SPNS2: variants seen among roughly 807,000 people sequenced by gnomAD.
The protein encoded by SPNS2 is SPNS lysolipid transporter 2, sphingosine-1-phosphate, also known as sphingosine-1-phosphate transporter SPNS2.
A neutral mutation model predicts 57.6 loss-of-function variants in SPNS2; 37 were observed. The observed-to-expected ratio is 0.64, with a 90% CI of 0.49 to 0.85. SPNS2 has a LOEUF of 0.85. SPNS2 is among the 40% of genes least tolerant of loss of function. The probability of loss-of-function intolerance (pLI) is 0.00; values close to 1 mark genes in which losing one functional copy is unlikely to be tolerated. For synonymous variants in SPNS2, 440 were observed against 346.9 expected, an observed-to-expected ratio of 1.27 and a Z score of -2.98; for missense variants, 831 against 779.1, an observed-to-expected ratio of 1.07 and a Z score of -0.79.
rs925428233 is a variant in SPNS2, at chr17:4,510,058, G to A, written c.371-3189G>A. Among the ~76,000 whole-genome samples the A allele has an allele frequency of 2.0e-5, 3 of 152,262 alleles. No homozygotes were observed. Among genetic ancestry groups the A allele is most frequent in the African/African-American group, 7.2e-5 (3 of 41,464 alleles). On this transcript the variant is annotated intron_variant, in intron 1 of 12. Transcript: ENST00000329078. This position sits in a 1 kb window ranked among gnomAD's most constrained non-coding sequence, Gnocchi z 4.4. ...TGCTGGAGCCCAAAGGAAAATCTGA[G>A]GCGACCCGCCGAGCTGCTGTGACAC...
chr17:4,535,566 A>G (rs948969108), intron 9 of SPNS2, among the ~76,000 whole-genome samples: 2 of 152,204 alleles, frequency 1.3e-5, no homozygotes, highest in Non-Finnish European at 2.9e-5. Flanking sequence ...CTGGAGAGGC[A>G]GCAGCATGGC....
chr17:4,536,886 C>T lies in SPNS2; in HGVS notation c.1608-14C>T, dbSNP rs116476430. On this transcript the variant is annotated splice_polypyrimidine_tract_variant and intron_variant, in intron 11 of 12. Coordinates refer to ENST00000329078, the MANE Select transcript of SPNS2 (RefSeq NM_001124758.3). ...CTGATGCACCACCCTGACCCCCGCC[C>T]GTCTCTCCCCCAGGGTGAACCAGCT... 5,062 of 1,613,002 alleles carry T rather than the reference C, an allele frequency of 3.1e-3. 150 individuals carry two copies. In the African/African-American group the frequency reaches 0.059, roughly 19 times the overall value.
rs1597373968 is a variant in SPNS2 at position 4,538,632 on chromosome 17, TGGGGTGG to T, written c.*1191_*1197del. The T allele has an allele frequency of 2.1e-6, 1 of 486,116 alleles. No homozygotes were observed. The highest frequency in any genetic ancestry group is 3.7e-6 in the Non-Finnish European group (1 of 270,760). 30.1% of individuals were successfully genotyped at this position (486,116 alleles called of 1,614,324 possible). A position where few individuals can be genotyped will look rare whatever the true frequency, so the allele number is the denominator to read the frequency against. On this transcript the variant is annotated 3_prime_UTR_variant, in exon 13 of 13. Transcript: ENST00000329078. ...AATCAAGGTGGTTCTGGTGCGGGGG[TGGGGTGG>T]GGGGTGAGGCCTTGTGGCCAATGGG...
chr17:4,532,941 C>A, intron 6 of SPNS2, 36 bp from the exon 7 acceptor site: 1 of 1,591,160 alleles, frequency 6.3e-7, no homozygotes, highest in South Asian at 1.1e-5. Flanking sequence ...TGAAGGAGGT[C>A]CCTGAGCTCA....
intron 2 of SPNS2, among the ~76,000 whole-genome samples, chr17:4,514,334 G>A (rs189798784): frequency 2.2e-4 from 34 of 152,298 alleles, no homozygotes; most frequent in East Asian, 5.8e-4. Context: ...CAGTCCAGTC[G>A]GTGAACCCCT....
chr17:4,532,749 C>G (rs1905551266), intron 6 of SPNS2, 65 bp downstream of exon 6: 6 of 1,568,082 alleles, frequency 3.8e-6, no homozygotes, highest in Non-Finnish European at 5.2e-6. Flanking sequence ...GGGCCTGTCC[C>G]TGCAGGGCAG....
chr17:4,513,820 C>T lies in SPNS2; in HGVS notation c.436+508C>T, dbSNP rs1230958219. On this transcript the variant is annotated intron_variant, in intron 2 of 12. Coordinates refer to ENST00000329078, the MANE Select transcript of SPNS2 (RefSeq NM_001124758.3). ...TCAGCCCCAGAGCGGTTCCCAAGCC[C>T]GGGGCAGGCGCCTGAGAATCTGGGC... Among the ~76,000 whole-genome samples, 4 of 152,356 alleles carry T rather than the reference C, an allele frequency of 2.6e-5. No homozygotes were observed. The East Asian group carries it at 5.8e-4, about 22-fold the overall frequency.
intron 10 of SPNS2, 38 bp from the exon 11 acceptor site, chr17:4,536,225 A>AG: frequency 6.2e-7 from 1 of 1,609,200 alleles, no homozygotes; most frequent in South Asian, 1.1e-5. Flanking sequence ...GGACTGCAGG[A>AG]GGGCTCTGCC....
rs756322391 is a variant in SPNS2, at chr17:4,530,698, G to A, written c.640G>A (p.Ala214Thr). 1.1e-5 allele frequency: 18 copies of A among 1,613,852 alleles called. No homozygotes were observed. The highest frequency in any genetic ancestry group is 3.3e-5 in the South Asian group (3 of 91,044). ...CGGGGAGGCCAGCTACTCCACCATC[G>A]CCCCCACTATCATTGGCGACCTCTT... ...GIGEASYSTI[A>T]PTIIGDLFTK... is the part of the protein sequence containing the mutation. Residue 214 changes from alanine (A) to threonine (T), a missense_variant, in exon 4 of 13, where the codon GCC becomes ACC. By Grantham distance (58) the Ala-to-Thr change is moderately conservative. Coordinates refer to ENST00000329078, the MANE Select transcript of SPNS2 (RefSeq NM_001124758.3).
rs1442333317 is a variant in SPNS2 at position 4,499,273 on chromosome 17, G to C, written c.226G>C (p.Gly76Arg). The change falls in exon 1 of 13, where the codon GGC becomes CGC. Residue 76 changes from glycine to arginine, a missense_variant. Physicochemically the swap from Gly to Arg is moderately radical, Grantham distance 125 (BLOSUM62 -2). Coordinates refer to ENST00000329078, the MANE Select transcript of SPNS2 (RefSeq NM_001124758.3). This position sits in a 1 kb window ranked among gnomAD's most constrained non-coding sequence, Gnocchi z 5.2. The part of the protein sequence containing the change: ...RAPTGPPGTP[G>R]TPGCAATAKG... The stretch of plus-strand genomic sequence containing the variant: ...CCCGACCGGACCCCCCGGCACCCCC[G>C]GCACCCCCGGCTGCGCAGCTACTGC... 2 of 1,485,116 alleles carry C rather than the reference G, an allele frequency of 1.3e-6. No homozygotes were observed. Among genetic ancestry groups the C allele is most frequent in the Non-Finnish European group, 1.8e-6 (2 of 1,124,666 alleles). The allele number at this position is 1,485,116 out of a possible 1,614,324, so 92.0% of individuals were successfully genotyped here. A position where few individuals can be genotyped will look rare whatever the true frequency, so the allele number is the denominator to read the frequency against.
chr17:4,536,438 G>A lies in SPNS2; in HGVS notation c.1607+12G>A. 2 of 1,582,782 alleles carry A rather than the reference G, an allele frequency of 1.3e-6. No homozygotes were observed. Among genetic ancestry groups the A allele is most frequent in the Non-Finnish European group, 8.6e-7 (1 of 1,164,958 alleles). ...AGGGCTGAGCAGCAGTGAGTGGGGG[G>A]GAGGGGAGGCCCTGCTGCACCGCCG... On this transcript the variant is annotated intron_variant, in intron 11 of 12. Transcript: ENST00000329078.
chr17:4,531,175 G>A, intron 5 of SPNS2, 56 bp downstream of exon 5: 5 of 1,572,296 alleles, frequency 3.2e-6, no homozygotes, highest in Non-Finnish European at 4.4e-6. Flanking sequence ...CTCGCCCCAG[G>A]GTTGCCCAGA....
intron 3 of SPNS2, among the ~76,000 whole-genome samples, chr17:4,528,113 C>T (rs1454982764): frequency 4.6e-5 from 7 of 152,118 alleles, no homozygotes; most frequent in Non-Finnish European, 1.0e-4. Context: ...ACCTCCGCCT[C>T]CCGGGTTCAA....
At chr17:4,513,226 C>T (rs765199701) in intron 1 of SPNS2, 21 bp from the exon 2 acceptor site, 1 of 1,613,210 alleles carries the variant, frequency 6.2e-7, no homozygotes, top group South Asian at 1.1e-5. Context: ...GGCCAGTGAG[C>T]ACCCTCTGTC....
rs1444008956 is a variant in SPNS2, at chr17:4,537,973, TG to T, written c.*526del. 2 of 359,496 alleles carry T rather than the reference TG, an allele frequency of 5.6e-6. No homozygotes were observed. Among genetic ancestry groups the T allele is most frequent in the Admixed American group, 3.7e-5 (1 of 27,292 alleles). The allele number at this position is 359,496 out of a possible 1,614,324, so 22.3% of individuals were successfully genotyped here. ...CGAGGGCCTGGTATGCAGGGACCAC[TG>T]CTCAGCTGGGCCTCGGACCTTGGGG... On this transcript the variant is annotated 3_prime_UTR_variant, in exon 13 of 13. Coordinates refer to ENST00000329078, the MANE Select transcript of SPNS2 (RefSeq NM_001124758.3).
Position 4,531,080 on chromosome 17 carries a change from C to T in SPNS2, c.753C>T (p.Ser251=), listed in dbSNP as rs768808430. The T allele has an allele frequency of 1.1e-5, 18 of 1,613,962 alleles. No homozygotes were observed. Among genetic ancestry groups the T allele is most frequent in the Middle Eastern group, 1.6e-4 (1 of 6,084 alleles). The change falls in exon 5 of 13, where the codon AGC becomes AGT. Residue 251 remains serine (S), a synonymous_variant. Transcript: ENST00000329078. ...GCCTGGGCTACATTACTGGCTCCAG[C>T]GTGAAGCAGGCAGCCGGAGACTGGC... ...GSGLGYITGS[S]VKQAAGDWHW...
chr17:4,530,823 G>A (rs777522173), intron 4 of SPNS2, 40 bp downstream of exon 4: 1 of 1,594,748 alleles, frequency 6.3e-7, no homozygotes, highest in Non-Finnish European at 8.5e-7. Flanking sequence ...GAGGATCTGG[G>A]CAAGGTTCCC....
chr17:4,508,430 C>T (rs1904739412), intron 1 of SPNS2, among the ~76,000 whole-genome samples: 1 of 152,208 alleles, frequency 6.6e-6, no homozygotes, highest in Non-Finnish European at 1.5e-5. Context: ...AAGCACCTTC[C>T]CTAAAGGTGA....
Position 4,532,998 on chromosome 17 carries a change from C to T in SPNS2, c.957C>T (p.Ser319=), listed in dbSNP as rs1291977212. Residue 319 remains serine (S), a synonymous_variant, in exon 7 of 13, where the codon TCC becomes TCT. Transcript: ENST00000329078. ...CCAGCCGCAGCTACGTCTTCTCCTC[C>T]CTGGCCACGTCGGCTGTCTCCTTCG... ...LIRNRSYVFS[S]LATSAVSFAT... 2 of 1,612,992 alleles carry T rather than the reference C, an allele frequency of 1.2e-6. No homozygotes were observed.
Sources: allele counts gnomAD v4.1 joint callset (sites outside exome capture counted in the v4.1 genomes callset), GRCh38; gene constraint gnomAD v4.1.1; non-coding constraint Gnocchi (gnomAD v3.1); transcripts MANE v1.5; gene names NCBI Gene and HGNC (gene_info 2026-07-23, HGNC 2026-07-21).